Variants in SNTG2 observed in about 807,000 individuals in gnomAD.
SNTG2 encodes syntrophin gamma 2, also known as gamma-2-syntrophin.
Under a neutral mutation model 70.9 loss-of-function variants are expected in SNTG2, and 74 were observed. The observed-to-expected ratio is 1.04, with a 90% CI of 0.86 to 1.27. The LOEUF (loss-of-function observed/expected upper bound fraction) is 1.27. SNTG2 is among the 50% of genes most tolerant of loss of function. The pLI, the probability that SNTG2 is intolerant of heterozygous loss-of-function variation, is 0.00. For synonymous variants in SNTG2, 278 were observed against 273.8 expected (o/e 1.02, Z -0.15); for missense variants, 717 against 690.7 (o/e 1.04, Z -0.43).
rs566905326 is a variant in SNTG2, at chr2:1,306,934, G to C, written c.1285-1560G>C. Among the ~76,000 whole-genome samples the C allele has an allele frequency of 4.7e-4, 72 of 152,178 alleles. 1 individual carries two copies. The highest frequency in any genetic ancestry group is 8.4e-4 in the Non-Finnish European group (57 of 67,986). On this transcript the variant is annotated intron_variant, in intron 14 of 16. Coordinates refer to ENST00000308624, the MANE Select transcript of SNTG2 (RefSeq NM_018968.4). ...TGTGTGCGTGTGTAAGCCGCATGCT[G>C]TGTGAGAGCTGTAGGCTGTGTGGGT...
chr2:1,133,529 T>C (rs927477251), intron 4 of SNTG2, among the ~76,000 whole-genome samples: 5 of 152,216 alleles, frequency 3.3e-5, no homozygotes, highest in Non-Finnish European at 5.9e-5. Flanking sequence ...TTTTGTATAA[T>C]GAGGCAGTGG....
intron 16 of SNTG2, among the ~76,000 whole-genome samples, chr2:1,318,665 C>T (rs545297226): frequency 6.6e-6 from 1 of 152,358 alleles, no homozygotes; most frequent in East Asian, 1.9e-4. Context: ...GGCTTGACAT[C>T]AGTTTCCATC....
At chr2:1,104,094 T>C (rs184507807) in intron 4 of SNTG2, among the ~76,000 whole-genome samples, 21 of 152,262 alleles carry the variant, frequency 1.4e-4, no homozygotes, top group Non-Finnish European at 2.8e-4. Context: ...GAGGCAAATA[T>C]ATGTTAAAGA....
chr2:1,255,907 AATATATATATAAAT>A (rs1678076387), intron 12 of SNTG2, among the ~76,000 whole-genome samples: 1 of 64,376 alleles, frequency 1.6e-5, no homozygotes, highest in Non-Finnish European at 2.8e-5. Flanking sequence ...TATATATATA[AATATATATATAAAT>A]ATATAAATAT....
At chr2:1,168,189 TGCCC>T (rs1670874324) in intron 7 of SNTG2, among the ~76,000 whole-genome samples, 3 of 86,446 alleles carry the variant, frequency 3.5e-5, no homozygotes, top group Non-Finnish European at 6.5e-5. Context: ...GCCTAGAAGC[TGCCC>T]ACAGACGGCA....
At chr2:1,061,633 A>G (rs1380351572) in intron 1 of SNTG2, among the ~76,000 whole-genome samples, 1 of 152,182 alleles carries the variant, frequency 6.6e-6, no homozygotes, top group Non-Finnish European at 1.5e-5. Flanking sequence ...AAGAAATCAT[A>G]AAGGAAATTG....
chr2:977,109 G>A (rs11692222), intron 1 of SNTG2, among the ~76,000 whole-genome samples: 3,228 of 152,304 alleles, frequency 0.021, 58 homozygotes, highest in South Asian at 0.032. Context: ...CCAGGAAGCC[G>A]CAGGTTCTTC....
intron 8 of SNTG2, among the ~76,000 whole-genome samples, chr2:1,203,673 A>AAAAATAT (rs1451954919): frequency 8.7e-6 from 1 of 115,516 alleles, no homozygotes; most frequent in African/African-American, 3.2e-5. Flanking sequence ...CAAAAAAAAA[A>AAAAATAT]ATATATATAT....
At chr2:982,423 C>T (rs977753058) in intron 1 of SNTG2, among the ~76,000 whole-genome samples, 1 of 152,202 alleles carries the variant, frequency 6.6e-6, no homozygotes. Flanking sequence ...ACGGGCATGT[C>T]CCAGCCCCAC....
intron 1 of SNTG2, among the ~76,000 whole-genome samples, chr2:1,056,959 A>AGGGAGGGAGAGCGCGGGGCCACCCCGTG (rs1662493672): frequency 1.5e-4 from 1 of 6,646 alleles, no homozygotes; most frequent in African/African-American, 5.6e-4. Flanking sequence ...CGCTGTGGGG[A>AGGGAGGGAGAGCGCGGGGCCACCCCGTG]GGGAGGGAGG....
intron 4 of SNTG2, among the ~76,000 whole-genome samples, chr2:1,131,428 C>G (rs1472063331): frequency 6.6e-6 from 1 of 152,068 alleles, no homozygotes; most frequent in Non-Finnish European, 1.5e-5. Context: ...TTTGGCAAAT[C>G]CATTTGACTT....
chr2:1,067,149 A>G lies in SNTG2; in HGVS notation c.73-16369A>G, dbSNP rs545738699. On this transcript the variant is annotated intron_variant, in intron 1 of 16. Transcript: ENST00000308624. ...TAAGTCACTAGCAAAAAAAAAAAAA[A>G]GTGAGAAATGCGCACTAAAATGTTG... Among the ~76,000 whole-genome samples, 112 of 150,800 alleles carry G rather than the reference A, an allele frequency of 7.4e-4. 1 individual carries two copies. The highest frequency in any genetic ancestry group is 2.7e-3 in the African/African-American group (109 of 41,116).
intron 9 of SNTG2, among the ~76,000 whole-genome samples, chr2:1,223,437 G>C (rs554314435): frequency 2.6e-5 from 4 of 152,056 alleles, no homozygotes; most frequent in Admixed American, 2.6e-4. Flanking sequence ...CCTGCAGCCC[G>C]GGCACTGATC....
At chr2:1,048,295 C>T (rs1357093294) in intron 1 of SNTG2, among the ~76,000 whole-genome samples, 1 of 152,134 alleles carries the variant, frequency 6.6e-6, no homozygotes, top group Non-Finnish European at 1.5e-5. Context: ...CTAAGACCTC[C>T]TTATGTGGCC....
intron 14 of SNTG2, among the ~76,000 whole-genome samples, chr2:1,285,792 T>G (rs1679739863): frequency 6.6e-6 from 1 of 152,208 alleles, no homozygotes; most frequent in Non-Finnish European, 1.5e-5. Context: ...GTCGTGTTTT[T>G]TTTTCCTGAT....
chr2:1,157,021 A>G (rs4246563), intron 6 of SNTG2, among the ~76,000 whole-genome samples: 150,434 of 152,266 alleles, frequency 0.99, 74,339 homozygotes, highest in Middle Eastern at 1. Flanking sequence ...AGGAAAAGTC[A>G]TTTGCTCCAG....
intron 4 of SNTG2, among the ~76,000 whole-genome samples, chr2:1,132,256 C>CACACACATACAT (rs993032156): frequency 3.3e-5 from 5 of 151,658 alleles, no homozygotes; most frequent in Non-Finnish European, 7.4e-5. Flanking sequence ...TACACACACA[C>CACACACATACAT]ACACACATAC....
intron 13 of SNTG2, among the ~76,000 whole-genome samples, chr2:1,264,888 A>G (rs1474618820): frequency 6.6e-6 from 1 of 152,224 alleles, no homozygotes; most frequent in East Asian, 1.9e-4. Flanking sequence ...AGAATGTAGT[A>G]TATTATACGT....
At chr2:1,157,826 G>A (rs1341831715) in intron 6 of SNTG2, among the ~76,000 whole-genome samples, 2 of 152,168 alleles carry the variant, frequency 1.3e-5, no homozygotes, top group Non-Finnish European at 2.9e-5. Flanking sequence ...CGGGTGATAT[G>A]AGCCCAGCAC....
Sources: allele counts gnomAD v4.1 joint callset (sites outside exome capture counted in the v4.1 genomes callset), GRCh38; gene constraint gnomAD v4.1.1; transcripts MANE v1.5; gene names NCBI Gene and HGNC (gene_info 2026-07-23, HGNC 2026-07-21).